SLC25A24: variants seen among roughly 807,000 people sequenced by gnomAD.
SLC25A24 encodes the protein mitochondrial adenyl nucleotide antiporter SLC25A24.
Under a neutral mutation model 60.7 loss-of-function variants are expected in SLC25A24, and 49 were observed. That is an observed-to-expected ratio of 0.81 (90% CI 0.64 to 1.02). The LOEUF (loss-of-function observed/expected upper bound fraction) is 1.02, where lower values mean the gene tolerates loss of function less well. Among genes scored for constraint, SLC25A24 ranks in the 50% least tolerant of loss-of-function variants. The pLI, the probability that SLC25A24 is intolerant of heterozygous loss-of-function variation, is 0.00. For missense variants in SLC25A24, 564 were observed against 586.3 expected, an observed-to-expected ratio of 0.96 and a Z score of 0.39; for synonymous variants, 202 against 200.6, an observed-to-expected ratio of 1.01 and a Z score of -0.06.
chr1:108,157,698 C>A (rs1220313682), intron 4 of SLC25A24, 78 bp from the exon 5 acceptor site: 3 of 1,479,918 alleles, frequency 2.0e-6, no homozygotes, highest in South Asian at 1.2e-5. Flanking sequence ...AGAGAAGAAT[C>A]ATGTTATTTT....
chr1:108,157,408 C>T (rs745332834), intron 5 of SLC25A24, 54 bp downstream of exon 5: 81 of 1,521,154 alleles, frequency 5.3e-5, no homozygotes, highest in Non-Finnish European at 7.0e-5. Flanking sequence ...CACCACATTT[C>T]TCATTGTTTT....
chr1:108,152,707 T>C (rs896695819), intron 6 of SLC25A24, among the ~76,000 whole-genome samples: 11 of 151,682 alleles, frequency 7.3e-5, no homozygotes, highest in Non-Finnish European at 1.6e-4. Flanking sequence ...AGTCTGTCAG[T>C]TCTGTCTTTT....
chr1:108,165,687 C>G (rs1680232980), intron 3 of SLC25A24, among the ~76,000 whole-genome samples: 1 of 152,108 alleles, frequency 6.6e-6, no homozygotes, highest in Non-Finnish European at 1.5e-5. Flanking sequence ...CTATGTGTGT[C>G]TCTACATGTG....
At chr1:108,176,013 A>C (rs1306029614) in intron 3 of SLC25A24, among the ~76,000 whole-genome samples, 2 of 152,174 alleles carry the variant, frequency 1.3e-5, no homozygotes, top group African/African-American at 4.8e-5. Flanking sequence ...ACCACTAAAG[A>C]AACAAAATAA....
intron 1 of SLC25A24, among the ~76,000 whole-genome samples, chr1:108,196,209 G>C (rs1216309657): frequency 2.0e-5 from 3 of 152,090 alleles, no homozygotes; most frequent in South Asian, 4.1e-4. Flanking sequence ...GAATGTAAGA[G>C]TTAGAATGGC....
chr1:108,143,236 G>C (rs1679495669), intron 8 of SLC25A24, among the ~76,000 whole-genome samples: 1 of 152,126 alleles, frequency 6.6e-6, no homozygotes, highest in African/African-American at 2.4e-5. Flanking sequence ...TAGTCACTTG[G>C]CTTAATGTCA....
chr1:108,150,426 G>A (rs1679725295), intron 6 of SLC25A24, among the ~76,000 whole-genome samples: 1 of 152,102 alleles, frequency 6.6e-6, no homozygotes, highest in African/African-American at 2.4e-5. Flanking sequence ...CTTCCTAAAG[G>A]AGACTTAACT....
chr1:108,181,521 G>T (rs1190406905), intron 3 of SLC25A24, among the ~76,000 whole-genome samples: 1 of 152,160 alleles, frequency 6.6e-6, no homozygotes, highest in Non-Finnish European at 1.5e-5. Flanking sequence ...TTCTTTGTTA[G>T]CTTGGAGAGC....
chr1:108,148,282 C>T lies in SLC25A24; in HGVS notation c.927G>A (p.Met309Ile). ...CAGACTTGACAATGGTACTCACCTCCATTGGATATATAAAAGTCTGTGCAG... is the reference window on the plus strand; with the variant it reads ...CAGACTTGACAATGGTACTCACCTCTATTGGATATATAAAAGTCTGTGCAG... ...GATAQTFIYP[M>I]EVMKTRLAVG... Residue 309 changes from methionine (M) to isoleucine (I), a missense_variant, in exon 7 of 10, where the codon ATG becomes ATA. Transcript: ENST00000565488. 1.9e-6 allele frequency: 3 copies of T among 1,569,118 alleles called. No homozygotes were observed.
rs755037648 is a variant in SLC25A24, at chr1:108,157,518, C to G, written c.613G>C (p.Gly205Arg). The G allele has an allele frequency of 1.9e-6, 3 of 1,614,162 alleles. No homozygotes were observed. In the Admixed American group the frequency reaches 5.0e-5, roughly 27 times the overall value. The change falls in exon 5 of 10, where the codon GGT (glycine) becomes CGT (arginine). Residue 205 changes from glycine (G) to arginine (R), a missense_variant. Coordinates refer to ENST00000565488, the MANE Select transcript of SLC25A24 (RefSeq NM_013386.5). ...GCAGTGCTTGTTCGAGAGACAGCAC[C>G]AGCAATGCCTCCTGCCAAAAGCTGC... is the stretch of plus-strand genomic sequence containing the variant. ...WRQLLAGGIA[G>R]AVSRTSTAPL...
At chr1:108,186,921 T>C (rs2101642231) in intron 1 of SLC25A24, among the ~76,000 whole-genome samples, 1 of 151,932 alleles carries the variant, frequency 6.6e-6, no homozygotes, top group Non-Finnish European at 1.5e-5. Context: ...CTACTAAAAA[T>C]ACAAAATTAG....
chr1:108,192,354 C>A, intron 1 of SLC25A24: 2 of 577,000 alleles, frequency 3.5e-6, no homozygotes, highest in South Asian at 4.7e-5. Context: ...TCTTAATAAA[C>A]GGTAACGCTG....
intron 3 of SLC25A24, among the ~76,000 whole-genome samples, chr1:108,166,675 T>G (rs1680264086): frequency 6.6e-6 from 1 of 151,996 alleles, no homozygotes; most frequent in Non-Finnish European, 1.5e-5. Context: ...CTGTATTGGT[T>G]ATTCTAGTTA....
chr1:108,153,622 A>G (rs1679810221), intron 6 of SLC25A24, among the ~76,000 whole-genome samples: 1 of 152,188 alleles, frequency 6.6e-6, no homozygotes, highest in Admixed American at 6.5e-5. Context: ...ACAGCACCAT[A>G]GGTCCAGAGC....
intron 1 of SLC25A24, among the ~76,000 whole-genome samples, chr1:108,191,893 G>A (rs1401004710): frequency 7.2e-6 from 1 of 138,966 alleles, no homozygotes; most frequent in African/African-American, 2.5e-5. Flanking sequence ...GAGTATGTAC[G>A]AAGCACAACA....
intron 1 of SLC25A24, among the ~76,000 whole-genome samples, chr1:108,194,555 A>G (rs922387859): frequency 1.4e-5 from 2 of 144,186 alleles, no homozygotes; most frequent in African/African-American, 4.9e-5. Flanking sequence ...AGAACAAACC[A>G]TAGAGTTGAG....
At chr1:108,141,055 G>C (rs1679430634) in intron 8 of SLC25A24, among the ~76,000 whole-genome samples, 2 of 152,068 alleles carry the variant, frequency 1.3e-5, no homozygotes, top group African/African-American at 2.4e-5. Context: ...ACTCACTTTA[G>C]ATCTAAGGAC....
intron 8 of SLC25A24, among the ~76,000 whole-genome samples, chr1:108,139,708 T>A (rs1679393003): frequency 6.6e-6 from 1 of 151,960 alleles, no homozygotes; most frequent in Non-Finnish European, 1.5e-5. Flanking sequence ...GCCTCCCAGG[T>A]TCAAACGATT....
In SLC25A24 at chr1:108,136,502, CA is replaced by C. The variant is rs1447412897; in HGVS notation, c.*150del. On this transcript the variant is annotated 3_prime_UTR_variant, in exon 10 of 10. Coordinates refer to ENST00000565488, the MANE Select transcript of SLC25A24 (RefSeq NM_013386.5). ...ATTTCTGTGTACATATAATTTAGCC[CA>C]AAAGTTTGAAGTGACCATTGTTACC... 4 of 624,660 alleles carry C rather than the reference CA, an allele frequency of 6.4e-6. No homozygotes were observed. Among genetic ancestry groups the C allele is most frequent in the Non-Finnish European group, 1.1e-5 (4 of 361,040 alleles). 38.7% of individuals were successfully genotyped at this position (624,660 alleles called of 1,614,324 possible).
Sources: gnomAD v4.1 joint callset for allele counts (sites outside exome capture counted in the v4.1 genomes callset) on GRCh38, gnomAD v4.1.1 for gene constraint, MANE v1.5 for transcripts, NCBI Gene and HGNC (gene_info 2026-07-23, HGNC 2026-07-21) for gene names.